Variants in SLC10A1 observed in about 807,000 individuals in gnomAD.
SLC10A1 encodes the protein hepatic sodium/bile acid cotransporter.
SLC10A1 carries 36 observed loss-of-function variants against 20.5 expected under a neutral mutation model. The observed-to-expected ratio is 1.75, with a 90% CI of 1.34 to 2.32. The LOEUF (loss-of-function observed/expected upper bound fraction) is 2.32. Among genes scored for constraint, SLC10A1 ranks in the 30% most tolerant of loss-of-function variants. The probability of loss-of-function intolerance (pLI) is 0.00; values close to 1 mark genes in which losing one functional copy is unlikely to be tolerated. For synonymous variants in SLC10A1, 188 were observed against 163.6 expected (o/e 1.15, Z -1.14); for missense variants, 545 against 439.1 (o/e 1.24, Z -2.16).
chr14:69,785,901 G>A (rs767930244), intron 2 of SLC10A1, among the ~76,000 whole-genome samples, 196 bp downstream of exon 2: 14 of 151,740 alleles, frequency 9.2e-5, no homozygotes, highest in East Asian at 1.9e-4. Flanking sequence ...GAGCCACCAC[G>A]CCAGCCTCAT....
intron 4 of SLC10A1, 109 bp downstream of exon 4, chr14:69,778,224 A>AT: frequency 8.1e-6 from 7 of 859,346 alleles, no homozygotes; most frequent in Non-Finnish European, 1.1e-5. Flanking sequence ...TAGTGACTTG[A>AT]TAAGAGTTAA....
chr14:69,788,767 C>T (rs1250329397), intron 1 of SLC10A1, among the ~76,000 whole-genome samples: 2 of 151,868 alleles, frequency 1.3e-5, no homozygotes, highest in African/African-American at 2.4e-5. Flanking sequence ...AGGATAGTCT[C>T]GATCTCCTGA....
intron 2 of SLC10A1, among the ~76,000 whole-genome samples, chr14:69,781,202 C>G (rs1398899186): frequency 4.6e-5 from 7 of 152,344 alleles, no homozygotes; most frequent in Admixed American, 1.3e-4. Flanking sequence ...AATTAACATT[C>G]TAGAGGTTCC....
At chr14:69,781,224 C>A (rs1284945237) in intron 2 of SLC10A1, among the ~76,000 whole-genome samples, 1 of 152,222 alleles carries the variant, frequency 6.6e-6, no homozygotes, top group Non-Finnish European at 1.5e-5. Context: ...GTCACTCTCA[C>A]TGCTGCCATC....
In SLC10A1 at chr14:69,797,179, C is replaced by G. The variant is rs369686325; in HGVS notation, c.-24G>C. 5.1e-6 allele frequency: 8 copies of G among 1,579,108 alleles called. No homozygotes were observed. In the African/African-American group the frequency reaches 6.7e-5, roughly 13 times the overall value. On this transcript the variant is annotated 5_prime_UTR_variant, in exon 1 of 5. Transcript: ENST00000216540. ...ATCCTCCTGTGAGGCAGTGGAAGAC[C>G]ACTCCTTGTTCTCCGGCTGACTCCG...
Position 69,779,711 on chromosome 14 carries a change from T to A in SLC10A1, c.568-351A>T, listed in dbSNP as rs115394175. Among the ~76,000 whole-genome samples, 925 of 152,296 alleles carry A rather than the reference T, an allele frequency of 6.1e-3. 8 individuals are homozygous for A. Among genetic ancestry groups the A allele is most frequent in the African/African-American group, 0.021 (880 of 41,562 alleles). ...AGTAGCTAGGAAGCTTGGGGACAGC[T>A]GATTAACACTTTGATTATTACAAAC... is the stretch of plus-strand genomic sequence containing the variant. On this transcript the variant is annotated intron_variant, in intron 2 of 4. Coordinates refer to ENST00000216540, the MANE Select transcript of SLC10A1 (RefSeq NM_003049.4).
At chr14:69,781,744 A>C (rs543259603) in intron 2 of SLC10A1, among the ~76,000 whole-genome samples, 2 of 152,356 alleles carry the variant, frequency 1.3e-5, no homozygotes, top group Admixed American at 1.3e-4. Flanking sequence ...TCACCCTTTT[A>C]GCCACATAGC....
intron 1 of SLC10A1, among the ~76,000 whole-genome samples, chr14:69,788,176 G>T (rs1451159494): frequency 1.3e-5 from 2 of 152,086 alleles, no homozygotes; most frequent in Non-Finnish European, 2.9e-5. Context: ...CAGAATTGAG[G>T]TATTAGACCT....
At chr14:69,793,753 T>G (rs1452093592) in intron 1 of SLC10A1, among the ~76,000 whole-genome samples, 1 of 152,114 alleles carries the variant, frequency 6.6e-6, no homozygotes, top group Non-Finnish European at 1.5e-5. Flanking sequence ...GGGGAGCAGA[T>G]GAACTTGGGG....
At chr14:69,780,403 A>T (rs1358659657) in intron 2 of SLC10A1, among the ~76,000 whole-genome samples, 1 of 152,200 alleles carries the variant, frequency 6.6e-6, no homozygotes, top group Non-Finnish European at 1.5e-5. Flanking sequence ...TCTCAAACTT[A>T]CCATGTTATT....
chr14:69,780,262 C>A (rs1055253480), intron 2 of SLC10A1, among the ~76,000 whole-genome samples: 2 of 152,236 alleles, frequency 1.3e-5, no homozygotes, highest in African/African-American at 4.8e-5. Flanking sequence ...TTTCAAAGTG[C>A]ATGTGCACTC....
At chr14:69,791,746 A>G (rs999425058) in intron 1 of SLC10A1, among the ~76,000 whole-genome samples, 2 of 152,232 alleles carry the variant, frequency 1.3e-5, no homozygotes, top group Non-Finnish European at 2.9e-5. Flanking sequence ...CCCTGCATTT[A>G]TGAGAGAGAT....
chr14:69,789,179 C>T (rs774140372), intron 1 of SLC10A1, among the ~76,000 whole-genome samples: 3 of 152,154 alleles, frequency 2.0e-5, no homozygotes, highest in Non-Finnish European at 2.9e-5. Context: ...CACAGAGTCA[C>T]CATATAACCC....
intron 1 of SLC10A1, 137 bp from the exon 2 acceptor site, chr14:69,786,444 A>G (rs1883717103): frequency 1.5e-6 from 1 of 671,458 alleles, no homozygotes; most frequent in East Asian, 2.7e-5. Flanking sequence ...AACATTAGGC[A>G]GTAAGCATAC....
At chr14:69,795,537 T>G (rs1249256541) in intron 1 of SLC10A1, among the ~76,000 whole-genome samples, 1 of 151,846 alleles carries the variant, frequency 6.6e-6, no homozygotes, top group Non-Finnish European at 1.5e-5. Flanking sequence ...CCCAAGTAGC[T>G]GGGACTACAG....
chr14:69,792,934 A>G lies in SLC10A1; in HGVS notation c.356+3866T>C, dbSNP rs60163156. 5.0e-3 allele frequency among the ~76,000 whole-genome samples: 764 copies of G among 152,270 alleles called. 5 individuals are homozygous for G. Among genetic ancestry groups the G allele is most frequent in the African/African-American group, 0.018 (731 of 41,526 alleles). ...AATCCCGCAGTCTATCTTGTTTATG[A>G]ATATATACGTATATAATAGTTGAAA... On this transcript the variant is annotated intron_variant, in intron 1 of 4. Coordinates refer to ENST00000216540, the MANE Select transcript of SLC10A1 (RefSeq NM_003049.4).
intron 4 of SLC10A1, among the ~76,000 whole-genome samples, chr14:69,776,932 A>C (rs748188866): frequency 5.9e-5 from 9 of 152,222 alleles, no homozygotes; most frequent in South Asian, 4.1e-4. Flanking sequence ...AAAACTTGAC[A>C]GATTCCTCCC....
At position 69,776,180 on chromosome 14, in the gene SLC10A1, G is replaced by T; in HGVS notation, c.*102C>A. On this transcript the variant is annotated 3_prime_UTR_variant, in exon 5 of 5. Transcript: ENST00000216540. ...TGATAGATGTACTGGAAATGCTGGA[G>T]AAAGACTCAGGCAAGACTGGTGTTT... The T allele has an allele frequency of 1.3e-6, 1 of 792,538 alleles. No individual in the cohort carries two copies. The highest frequency in any genetic ancestry group is 1.6e-5 in the South Asian group (1 of 61,148). 49.1% of individuals were successfully genotyped at this position (792,538 alleles called of 1,614,324 possible). A position where few individuals can be genotyped will look rare whatever the true frequency, so the allele number is the denominator to read the frequency against.
Position 69,786,824 on chromosome 14 carries a change from TA to T in SLC10A1, c.357-518del, listed in dbSNP as rs1184050038. 2.0e-5 allele frequency among the ~76,000 whole-genome samples: 3 copies of T among 152,244 alleles called. 1 individual carries two copies. Among genetic ancestry groups the T allele is most frequent in the African/African-American group, 7.2e-5 (3 of 41,456 alleles). ...TCCAACGGAGACAATAACAATTAGC[TA>T]TATCAGCACATTTTACCTCGTGGGG... On this transcript the variant is annotated intron_variant, in intron 1 of 4. Transcript: ENST00000216540.
Sources: gnomAD v4.1 joint callset for allele counts (sites outside exome capture counted in the v4.1 genomes callset) on GRCh38, gnomAD v4.1.1 for gene constraint, MANE v1.5 for transcripts, NCBI Gene and HGNC (gene_info 2026-07-23, HGNC 2026-07-21) for gene names.